The following SYT14 variants were observed in gnomAD, a reference collection of about 807,000 sequenced individuals.
SYT14 encodes synaptotagmin 14.
SYT14 carries 32 observed loss-of-function variants against 74.2 expected under a neutral mutation model. The ratio of observed to expected loss-of-function variants is 0.43; its 90% CI spans 0.33 to 0.58. SYT14 has a LOEUF of 0.58. SYT14 is among the 20% of genes least tolerant of loss of function. The pLI is 0.05. For missense variants in SYT14, 791 were observed against 981.8 expected (o/e 0.81, Z 2.60); for synonymous variants, 298 against 337.7 (o/e 0.88, Z 1.29).
At chr1:210,011,643 G>T (rs2080089050) in intron 2 of SYT14, among the ~76,000 whole-genome samples, 2 of 152,032 alleles carry the variant, frequency 1.3e-5, no homozygotes, top group Non-Finnish European at 2.9e-5. Flanking sequence ...TAATGAAAAA[G>T]GAAATCAAAG....
At chr1:210,040,571 T>A (rs2102342413) in intron 5 of SYT14, among the ~76,000 whole-genome samples, 1 of 152,226 alleles carries the variant, frequency 6.6e-6, no homozygotes, top group Admixed American at 6.5e-5. Context: ...TTATACATTG[T>A]TCATTTATAC....
At chr1:210,159,434 T>C in exon 9 of SYT14, 1 of 1,551,518 alleles carries the variant, frequency 6.4e-7, no homozygotes, top group Non-Finnish European at 8.7e-7. Context: ...GACTGTTCTG[T>C]TGTCTAAAAC....
At position 210,122,122 on chromosome 1, in the gene SYT14, C is replaced by T. The variant is rs2082480940; in HGVS notation, c.2034+21661C>T. On this transcript the variant is annotated intron_variant, in intron 7 of 9. Transcript: ENST00000637265. ...CCTCCCAAGTAGCTGGGACTACAGGCGCCCGCCACTACGCCCGGCTAATTT... is the reference window on the plus strand; with the variant it reads ...CCTCCCAAGTAGCTGGGACTACAGGTGCCCGCCACTACGCCCGGCTAATTT... Among the ~76,000 whole-genome samples, 2 of 64,784 alleles carry T rather than the reference C, an allele frequency of 3.1e-5. 1 individual carries two copies. The highest frequency in any genetic ancestry group is 2.0e-3 in the East Asian group (2 of 1,016). 42.5% of individuals were successfully genotyped at this position (64,784 alleles called of 152,430 possible).
At chr1:210,074,592 A>G (rs1036238358) in intron 5 of SYT14, among the ~76,000 whole-genome samples, 1 of 152,240 alleles carries the variant, frequency 6.6e-6, no homozygotes, top group African/African-American at 2.4e-5. Flanking sequence ...TCAGGTGACT[A>G]CAGTCCCAAT....
intron 2 of SYT14, among the ~76,000 whole-genome samples, chr1:209,977,044 T>G (rs2079379711): frequency 6.6e-6 from 1 of 152,186 alleles, no homozygotes; most frequent in Non-Finnish European, 1.5e-5. Flanking sequence ...CTTTTTTTTG[T>G]TTTCCATTTG....
chr1:210,158,635 G>A (rs1572395538), intron 8 of SYT14, among the ~76,000 whole-genome samples: 1 of 152,082 alleles, frequency 6.6e-6, no homozygotes, highest in African/African-American at 2.4e-5. Flanking sequence ...ATTCACATCC[G>A]CAACACAGAG....
At chr1:210,084,286 A>G (rs1260761578) in intron 5 of SYT14, among the ~76,000 whole-genome samples, 1 of 152,230 alleles carries the variant, frequency 6.6e-6, no homozygotes, top group Non-Finnish European at 1.5e-5. Context: ...TTCAAAGTGT[A>G]AAGAGGCCAA....
At chr1:210,139,912 T>C (rs1326752233) in intron 7 of SYT14, among the ~76,000 whole-genome samples, 1 of 152,236 alleles carries the variant, frequency 6.6e-6, no homozygotes, top group Non-Finnish European at 1.5e-5. Flanking sequence ...CATTGGCTTT[T>C]ATGAATAATG....
At chr1:210,029,905 T>C (rs1165392864) in intron 5 of SYT14, among the ~76,000 whole-genome samples, 1 of 152,186 alleles carries the variant, frequency 6.6e-6, no homozygotes, top group Non-Finnish European at 1.5e-5. Context: ...TTTATTTATG[T>C]CTTTAATTTC....
At position 210,155,468 on chromosome 1, in the gene SYT14, G is replaced by T. The variant is rs4589109; in HGVS notation, c.2035-253G>T. On this transcript the variant is annotated intron_variant, in intron 7 of 9. Coordinates refer to ENST00000637265, the Ensembl canonical transcript of SYT14. ...AGCATCTATAAGTTTAAGCAACATT[G>T]CTCTTATTTCCTTATAAATATGCAG... is the stretch of plus-strand genomic sequence containing the variant. Among the ~76,000 whole-genome samples the T allele has an allele frequency of 0.62, 93,537 of 151,974 alleles. 30,292 individuals are homozygous for T. Among genetic ancestry groups the T allele is most frequent in the East Asian group, 0.85 (4,397 of 5,180 alleles).
intron 7 of SYT14, among the ~76,000 whole-genome samples, chr1:210,135,624 T>C (rs761060152): frequency 4.6e-5 from 7 of 152,196 alleles, no homozygotes; most frequent in South Asian, 2.1e-4. Flanking sequence ...TTATTTTCCT[T>C]CTTCTTTTCA....
chr1:210,020,678 A>G (rs554517549), intron 4 of SYT14, among the ~76,000 whole-genome samples: 54 of 152,314 alleles, frequency 3.5e-4, no homozygotes, highest in African/African-American at 1.3e-3. Context: ...TATACTTTAA[A>G]AAATGTAAAT....
At chr1:210,171,188 G>T (rs2083522223) in exon 10 of SYT14, 1 of 151,928 alleles carries the variant, frequency 6.6e-6, no homozygotes, top group South Asian at 2.1e-4. Flanking sequence ...TCATTACCTT[G>T]TCCATTTTAC....
At chr1:210,033,309 C>T (rs2080582908) in intron 5 of SYT14, among the ~76,000 whole-genome samples, 1 of 151,668 alleles carries the variant, frequency 6.6e-6, no homozygotes, top group South Asian at 2.1e-4. Context: ...TAAATAATTA[C>T]AGAGCCATTT....
At chr1:209,995,591 C>A (rs1245218809) in intron 2 of SYT14, among the ~76,000 whole-genome samples, 1 of 152,192 alleles carries the variant, frequency 6.6e-6, no homozygotes, top group African/African-American at 2.4e-5. Flanking sequence ...AGAAAACTAA[C>A]AATGAAACTC....
intron 5 of SYT14, among the ~76,000 whole-genome samples, chr1:210,075,399 A>G (rs1294416327): frequency 6.7e-6 from 1 of 148,946 alleles, no homozygotes; most frequent in Non-Finnish European, 1.5e-5. Context: ...CAATGGCACA[A>G]TCTCAGCTCA....
intron 5 of SYT14, among the ~76,000 whole-genome samples, chr1:210,068,637 A>G (rs866506682): frequency 1.3e-5 from 2 of 151,650 alleles, no homozygotes; most frequent in African/African-American, 2.4e-5. Flanking sequence ...ATTTTTCCAA[A>G]AATTTTTTAT....
At chr1:210,076,521 C>T (rs1292848561) in intron 5 of SYT14, among the ~76,000 whole-genome samples, 1 of 152,134 alleles carries the variant, frequency 6.6e-6, no homozygotes, top group Non-Finnish European at 1.5e-5. Flanking sequence ...ATAAATGGAA[C>T]AATACAAAAG....
chr1:210,171,090 C>T (rs988752175), exon 10 of SYT14: 1 of 152,084 alleles, frequency 6.6e-6, no homozygotes, highest in African/African-American at 2.4e-5. Context: ...TTTCTCTTTG[C>T]CAATAGTAGT....
Sources: allele counts gnomAD v4.1 joint callset (sites outside exome capture counted in the v4.1 genomes callset), GRCh38; gene constraint gnomAD v4.1.1; transcripts MANE v1.5; gene names NCBI Gene and HGNC (gene_info 2026-07-23, HGNC 2026-07-21).